Variants in BPNT1 observed in about 807,000 individuals in gnomAD.
BPNT1 encodes the protein 3'(2'),5'-bisphosphate nucleotidase 1.
A neutral mutation model predicts 36.9 loss-of-function variants in BPNT1; 28 were observed. The ratio of observed to expected loss-of-function variants is 0.76; its 90% CI spans 0.56 to 1.04. The LOEUF (loss-of-function observed/expected upper bound fraction) is 1.04. BPNT1 is among the 50% of genes least tolerant of loss of function. The pLI, the probability that BPNT1 is intolerant of heterozygous loss-of-function variation, is 0.00. For missense variants in BPNT1, 313 were observed against 372.9 expected (o/e 0.84, Z 1.32); for synonymous variants, 119 against 130.9 (o/e 0.91, Z 0.62).
chr1:220,078,373 A>G (rs1487052156), intron 2 of BPNT1, among the ~76,000 whole-genome samples: 3 of 143,798 alleles, frequency 2.1e-5, no homozygotes, highest in Non-Finnish European at 4.5e-5. Context: ...TATAACTATT[A>G]ATTATATAGA....
rs140936872 is a variant in BPNT1 at position 220,058,181 on chromosome 1, A to C, written c.*663T>G. ...ACAGAGCGAGACTCCGTCTCAGGAAAAAAAAAGAGAAATCTGGTTTAGAAG... is the reference window on the plus strand; with the variant it reads ...ACAGAGCGAGACTCCGTCTCAGGAACAAAAAAGAGAAATCTGGTTTAGAAG... On this transcript the variant is annotated 3_prime_UTR_variant, in exon 9 of 9. Coordinates refer to ENST00000322067, the MANE Select transcript of BPNT1 (RefSeq NM_006085.6). 290 of 997,952 alleles carry C rather than the reference A, an allele frequency of 2.9e-4. 1 individual carries two copies. The African/African-American group carries it at 4.8e-3, about 17-fold the overall frequency. The allele number at this position is 997,952 out of a possible 1,614,324, so 61.8% of individuals were successfully genotyped here.
In BPNT1 at chr1:220,057,943, C is replaced by G. The variant is rs1335804670; in HGVS notation, c.*901G>C. On this transcript the variant is annotated 3_prime_UTR_variant, in exon 9 of 9. Transcript: ENST00000322067. Reference sequence around the variant, plus strand: ...CTGTAATCCCAGCACTTTGGGAGTCCGAGGCAGACAGATCACGATGTCAGG... The same window carrying G: ...CTGTAATCCCAGCACTTTGGGAGTCGGAGGCAGACAGATCACGATGTCAGG... 2 of 995,248 alleles carry G rather than the reference C, an allele frequency of 2.0e-6. No homozygotes were observed. The highest frequency in any genetic ancestry group is 2.8e-6 in the Non-Finnish European group (2 of 725,494). 61.7% of individuals were successfully genotyped at this position (995,248 alleles called of 1,614,324 possible).
intron 6 of BPNT1, among the ~76,000 whole-genome samples, chr1:220,064,030 C>T (rs1313145783): frequency 6.6e-6 from 1 of 152,120 alleles, no homozygotes; most frequent in Non-Finnish European, 1.5e-5. Flanking sequence ...GAACACCAAA[C>T]ATGTACCAGG....
At chr1:220,071,448 T>A (rs2102686624) in intron 4 of BPNT1, among the ~76,000 whole-genome samples, 1 of 152,196 alleles carries the variant, frequency 6.6e-6, no homozygotes, top group African/African-American at 2.4e-5. Flanking sequence ...AATAACAAAT[T>A]AGATTTTCTT....
intron 3 of BPNT1, 83 bp downstream of exon 3, chr1:220,073,884 G>C (rs575413940): frequency 1.4e-5 from 15 of 1,110,308 alleles, no homozygotes; most frequent in African/African-American, 1.2e-4. Flanking sequence ...AATCATAATA[G>C]TGGTATATAA....
chr1:220,068,760 A>T (rs1156507805), intron 5 of BPNT1, among the ~76,000 whole-genome samples: 2 of 152,186 alleles, frequency 1.3e-5, no homozygotes, highest in African/African-American at 4.8e-5. Flanking sequence ...CAGTGAGCCG[A>T]GATGGTGCCA....
intron 2 of BPNT1, among the ~76,000 whole-genome samples, chr1:220,078,593 A>ACATAT (rs1191658280): frequency 6.9e-6 from 1 of 144,460 alleles, no homozygotes; most frequent in East Asian, 2.0e-4. Context: ...ATAATAACAC[A>ACATAT]CATATATATA....
chr1:220,083,167 G>T (rs565657304), intron 1 of BPNT1, among the ~76,000 whole-genome samples: 3 of 150,856 alleles, frequency 2.0e-5, no homozygotes, highest in African/African-American at 7.3e-5. Flanking sequence ...AACCCAGGAG[G>T]TGTAGATTGC....
chr1:220,058,274 C>T lies in BPNT1; in HGVS notation c.*570G>A. The T allele has an allele frequency of 1.0e-6, 1 of 989,138 alleles. No individual in the cohort carries two copies. The highest frequency in any genetic ancestry group is 1.2e-6 in the Non-Finnish European group (1 of 831,744). The allele number at this position is 989,138 out of a possible 1,614,324, so 61.3% of individuals were successfully genotyped here. On this transcript the variant is annotated 3_prime_UTR_variant, in exon 9 of 9. Transcript: ENST00000322067. Reference sequence around the variant, plus strand: ...ACTAAAGCTTTTTCTCATTTCTCCACCTAAATACAGGAAAACAAATATAAC... The same window carrying T: ...ACTAAAGCTTTTTCTCATTTCTCCATCTAAATACAGGAAAACAAATATAAC...
chr1:220,088,331 T>A (rs540439939), intron 1 of BPNT1, among the ~76,000 whole-genome samples: 87 of 150,706 alleles, frequency 5.8e-4, no homozygotes, highest in African/African-American at 2.1e-3. Context: ...CCATCTCTAC[T>A]AAAAATACAA....
chr1:220,076,916 G>A (rs935188225), intron 2 of BPNT1, among the ~76,000 whole-genome samples: 24 of 151,968 alleles, frequency 1.6e-4, no homozygotes, highest in African/African-American at 5.1e-4. Flanking sequence ...TTTTCTCAGA[G>A]GTTGCAACTA....
intron 6 of BPNT1, among the ~76,000 whole-genome samples, chr1:220,065,863 A>G (rs977251663): frequency 6.6e-6 from 1 of 152,206 alleles, no homozygotes; most frequent in Non-Finnish European, 1.5e-5. Context: ...CATTTGTGGT[A>G]ATGAATTTTA....
At chr1:220,070,673 A>G (rs1190275707) in intron 4 of BPNT1, among the ~76,000 whole-genome samples, 1 of 151,214 alleles carries the variant, frequency 6.6e-6, no homozygotes, top group African/African-American at 2.4e-5. Flanking sequence ...CATGTTGGCC[A>G]GAATGGTCTT....
chr1:220,059,174 TTAAC>T (rs564189061), intron 8 of BPNT1, among the ~76,000 whole-genome samples, 182 bp from the exon 9 acceptor site: 5 of 152,120 alleles, frequency 3.3e-5, no homozygotes, highest in East Asian at 1.9e-4. Flanking sequence ...CAGAACAATT[TTAAC>T]TAACTAAAGG....
In BPNT1 at chr1:220,089,747, G is replaced by C. The variant is rs1367804133; in HGVS notation, c.-70C>G. ...GCAAAAGCGCGTTATCGTAGACCCAGGTCCCTCGTTGTGTCCAGTACCGAG... is the reference window on the plus strand; with the variant it reads ...GCAAAAGCGCGTTATCGTAGACCCACGTCCCTCGTTGTGTCCAGTACCGAG... On this transcript the variant is annotated 5_prime_UTR_variant, in exon 1 of 9. Transcript: ENST00000322067. 6.6e-6 allele frequency: 1 copy of C among 152,234 alleles called. No homozygotes were observed. Among genetic ancestry groups the C allele is most frequent in the African/African-American group, 2.4e-5 (1 of 41,454 alleles). The allele number at this position is 152,234 out of a possible 1,614,324, so 9.4% of individuals were successfully genotyped here.
chr1:220,074,827 C>T (rs1299426155), intron 2 of BPNT1, among the ~76,000 whole-genome samples: 2 of 152,078 alleles, frequency 1.3e-5, no homozygotes, highest in Admixed American at 6.6e-5. Flanking sequence ...CTAAAAAACA[C>T]GAATATGAAC....
intron 2 of BPNT1, among the ~76,000 whole-genome samples, chr1:220,078,804 G>T (rs905840087): frequency 6.6e-6 from 1 of 151,766 alleles, no homozygotes; most frequent in African/African-American, 2.4e-5. Context: ...CATCATGTTG[G>T]TCAGACTGGT....
intron 2 of BPNT1, among the ~76,000 whole-genome samples, chr1:220,078,682 C>G (rs1171451170): frequency 1.3e-5 from 2 of 150,998 alleles, no homozygotes; most frequent in African/African-American, 4.9e-5. Flanking sequence ...ACTGCAACCT[C>G]GCTCTCCCAG....
intron 2 of BPNT1, among the ~76,000 whole-genome samples, chr1:220,074,619 C>T (rs1293805496): frequency 6.6e-6 from 1 of 151,988 alleles, no homozygotes; most frequent in Non-Finnish European, 1.5e-5. Context: ...CCTCAGCCTC[C>T]CAAGTAGCTG....
Sources: allele counts gnomAD v4.1 joint callset (sites outside exome capture counted in the v4.1 genomes callset), GRCh38; gene constraint gnomAD v4.1.1; transcripts MANE v1.5; gene names NCBI Gene and HGNC (gene_info 2026-07-23, HGNC 2026-07-21).